MTCH2: variants seen among roughly 807,000 people sequenced by gnomAD.
MTCH2 encodes the protein mitochondrial carrier 2.
In MTCH2, 25 loss-of-function variants were observed where a neutral mutation model predicts 50.6. That is an observed-to-expected ratio of 0.49 (90% CI 0.36 to 0.69). The LOEUF is 0.69. Ranked by LOEUF, MTCH2 falls within the 30% of genes least tolerant of loss-of-function variation. The probability of loss-of-function intolerance (pLI) is 0.00; values close to 1 mark genes in which losing one functional copy is unlikely to be tolerated. For missense variants in MTCH2, 273 were observed against 384.4 expected (o/e 0.71, Z 2.42); for synonymous variants, 106 against 132.0 (o/e 0.80, Z 1.35).
intron 5 of MTCH2, among the ~76,000 whole-genome samples, chr11:47,634,047 T>C (rs1484560829): frequency 2.6e-5 from 4 of 152,180 alleles, no homozygotes; most frequent in Non-Finnish European, 4.4e-5. Flanking sequence ...GCATAGATAC[T>C]ATCCAACATA....
chr11:47,635,784 A>G (rs1298469292), intron 3 of MTCH2, among the ~76,000 whole-genome samples: 4 of 152,080 alleles, frequency 2.6e-5, no homozygotes. Context: ...TAAGTTTAAC[A>G]TATTGGTCAG....
At chr11:47,632,857 C>A (rs936346954) in intron 5 of MTCH2, among the ~76,000 whole-genome samples, 3 of 151,680 alleles carry the variant, frequency 2.0e-5, no homozygotes, top group Admixed American at 6.6e-5. Flanking sequence ...CACCACCATG[C>A]CCAGTTAATT....
the MTCH2 span, among the ~76,000 whole-genome samples, chr11:47,609,457 CAAA>C: frequency 3.0e-3 from 120 of 40,122 alleles, no homozygotes; most frequent in Middle Eastern, 0.062. Context: ...GATTCTGTAT[CAAA>C]AAAAAAAAAA....
intron 12 of MTCH2, 21 bp downstream of exon 12, chr11:47,622,680 G>A: frequency 1.4e-6 from 2 of 1,468,860 alleles, no homozygotes; most frequent in Middle Eastern, 3.9e-4. Context: ...TAAAATGAGA[G>A]AGACAGAGAA....
chr11:47,634,893 C>G (rs2097307105), intron 4 of MTCH2, among the ~76,000 whole-genome samples, 159 bp from the exon 5 acceptor site: 1 of 151,712 alleles, frequency 6.6e-6, no homozygotes, highest in Non-Finnish European at 1.5e-5. Flanking sequence ...CTGCCTCAGC[C>G]TCCCAAGTAG....
At chr11:47,606,173 CTCTTA>C in the MTCH2 span, among the ~76,000 whole-genome samples, 2 of 152,246 alleles carry the variant, frequency 1.3e-5, no homozygotes, top group East Asian at 1.9e-4. Context: ...GTTAGGTTTT[CTCTTA>C]TCTTTTCTTC....
chr11:47,632,111 T>C (rs2097303629), intron 5 of MTCH2, among the ~76,000 whole-genome samples: 2 of 151,950 alleles, frequency 1.3e-5, no homozygotes, highest in African/African-American at 2.4e-5. Context: ...TTTTGGAGAG[T>C]CTGACATCAT....
At chr11:47,631,197 T>G (rs1394230432) in intron 6 of MTCH2, 110 bp from the exon 7 acceptor site, 1 of 805,628 alleles carries the variant, frequency 1.2e-6, no homozygotes, top group Non-Finnish European at 2.0e-6. Flanking sequence ...TCACCTGAGG[T>G]CAGGAGTTCA....
intron 3 of MTCH2, among the ~76,000 whole-genome samples, chr11:47,636,143 A>C (rs534213275): frequency 6.6e-6 from 1 of 151,412 alleles, no homozygotes; most frequent in Non-Finnish European, 1.5e-5. Context: ...AAAAAAAAAG[A>C]AAAGGGAAGG....
intron 8 of MTCH2, among the ~76,000 whole-genome samples, chr11:47,629,850 A>C (rs2097301399): frequency 6.6e-6 from 1 of 152,006 alleles, no homozygotes; most frequent in Non-Finnish European, 1.5e-5. Context: ...AAGTAAATTC[A>C]AGCCTTGCAA....
intron 3 of MTCH2, 68 bp from the exon 4 acceptor site, chr11:47,635,639 A>C: frequency 6.8e-7 from 1 of 1,472,462 alleles, no homozygotes; most frequent in Non-Finnish European, 9.3e-7. Flanking sequence ...CATAAAATGA[A>C]AACTCTACTG....
At chr11:47,621,269 A>G (rs918500164) in intron 12 of MTCH2, among the ~76,000 whole-genome samples, 1 of 152,210 alleles carries the variant, frequency 6.6e-6, no homozygotes, top group African/African-American at 2.4e-5. Flanking sequence ...TCTCTTATAT[A>G]TCACTAGTGC....
At position 47,636,931 on chromosome 11, in the gene MTCH2, C is replaced by A. The variant is rs118137448; in HGVS notation, c.280-1360G>T. Among the ~76,000 whole-genome samples, 148 of 145,666 alleles carry A rather than the reference C, an allele frequency of 1.0e-3. No individual in the cohort carries two copies. In the East Asian group the frequency reaches 0.027, roughly 27 times the overall value. On this transcript the variant is annotated intron_variant, in intron 3 of 12. Transcript: ENST00000302503. ...TAAAGAAATAATTACAAAATAAGAACAACAACAAAAAAGAAAATTCAAGAA... is the reference window on the plus strand; with the variant it reads ...TAAAGAAATAATTACAAAATAAGAAAAACAACAAAAAAGAAAATTCAAGAA...
At chr11:47,606,914 C>A in the MTCH2 span, among the ~76,000 whole-genome samples, 2 of 152,210 alleles carry the variant, frequency 1.3e-5, no homozygotes, top group African/African-American at 4.8e-5. Context: ...CAGGACAGGG[C>A]AGTCTCCAGC....
rs558572457 is a variant in MTCH2, at chr11:47,641,799, A to G, written c.87+580T>C. ...TCAATGCATCCTTCCGAAATCTGAC[A>G]GAGCAACCCCTTCATTAACACTTCT... On this transcript the variant is annotated intron_variant, in intron 1 of 12. Transcript: ENST00000302503. 1.2e-3 allele frequency among the ~76,000 whole-genome samples: 183 copies of G among 152,342 alleles called. 1 individual carries two copies. The highest frequency in any genetic ancestry group is 4.6e-4 in the Admixed American group (7 of 15,290).
Position 47,628,820 on chromosome 11 carries a change from C to T in MTCH2, c.633+133G>A, listed in dbSNP as rs560086987. The stretch of plus-strand genomic sequence containing the variant: ...CTCGAACTCTTGATCTCAGGTGATC[C>T]GCCCACATTGGCCTCCCAAAGTGCT... On this transcript the variant is annotated intron_variant, in intron 9 of 12. Coordinates refer to ENST00000302503, the MANE Select transcript of MTCH2 (RefSeq NM_014342.4). The T allele has an allele frequency of 1.2e-4, 80 of 670,434 alleles. 2 individuals are homozygous for T. The South Asian group carries it at 1.3e-3, about 11-fold the overall frequency. 41.5% of individuals were successfully genotyped at this position (670,434 alleles called of 1,614,324 possible). A position where few individuals can be genotyped will look rare whatever the true frequency, so the allele number is the denominator to read the frequency against.
Position 47,639,004 on chromosome 11 carries a change from C to A in MTCH2, c.135G>T (p.Gly45=). ...GACCAGGAAGCTGACACACTTGCCG[C>A]CCAAAAATATTTCGTCCTATTGTTG... ...LPPTIGRNIF[G]RQVCQLPGLF... Residue 45 remains glycine (G), a synonymous_variant, in exon 2 of 13, where the codon GGG becomes GGT. Transcript: ENST00000302503. 3 of 1,613,872 alleles carry A rather than the reference C, an allele frequency of 1.9e-6. No individual in the cohort carries two copies. The highest frequency in any genetic ancestry group is 2.5e-6 in the Non-Finnish European group (3 of 1,179,928).
intron 11 of MTCH2, among the ~76,000 whole-genome samples, chr11:47,624,940 T>C (rs2097296608): frequency 6.6e-6 from 1 of 151,054 alleles, no homozygotes; most frequent in Non-Finnish European, 1.5e-5. Context: ...ATGCAAAAAT[T>C]AGCCCAGCAT....
chr11:47,634,610 C>T (rs1461381748), intron 5 of MTCH2, 62 bp downstream of exon 5: 1 of 1,271,352 alleles, frequency 7.9e-7, no homozygotes, highest in African/African-American at 1.5e-5. Context: ...GATTCTGATT[C>T]CATAGTTGCA....
Sources: allele counts gnomAD v4.1 joint callset (sites outside exome capture counted in the v4.1 genomes callset), GRCh38; gene constraint gnomAD v4.1.1; transcripts MANE v1.5; gene names NCBI Gene and HGNC (gene_info 2026-07-23, HGNC 2026-07-21).